The following RGS6 variants were observed in gnomAD, a reference collection of about 807,000 sequenced individuals.
The protein encoded by RGS6 is regulator of G protein signaling 6.
A neutral mutation model predicts 78.5 loss-of-function variants in RGS6; 30 were observed. The observed-to-expected ratio is 0.38, with a 90% CI of 0.29 to 0.52. The LOEUF (loss-of-function observed/expected upper bound fraction) is 0.52. RGS6 is among the 20% of genes least tolerant of loss of function. The pLI, the probability that RGS6 is intolerant of heterozygous loss-of-function variation, is 0.85. For missense variants in RGS6, 495 were observed against 609.7 expected, an observed-to-expected ratio of 0.81 and a Z score of 1.98; for synonymous variants, 206 against 206.0, an observed-to-expected ratio of 1.00 and a Z score of 0.00.
At chr14:72,381,432 A>C (rs111740488) in intron 3 of RGS6, among the ~76,000 whole-genome samples, 10 of 152,194 alleles carry the variant, frequency 6.6e-5, no homozygotes, top group African/African-American at 2.4e-4. Flanking sequence ...TTTTACATCA[A>C]TTTTTTAAAT....
Position 72,474,535 on chromosome 14 carries a change from A to G in RGS6, c.619-90A>G, listed in dbSNP as rs1448723988. On this transcript the variant is annotated intron_variant, in intron 9 of 17. Coordinates refer to ENST00000553525, the MANE Select transcript of RGS6 (RefSeq NM_001204424.2). ...CATGCATTGTCTGTAATGGAAAAAGATAAAGATTGGTCCTGATGGTGTGAC... is the reference window on the plus strand; with the variant it reads ...CATGCATTGTCTGTAATGGAAAAAGGTAAAGATTGGTCCTGATGGTGTGAC... 4 of 1,190,408 alleles carry G rather than the reference A, an allele frequency of 3.4e-6. No homozygotes were observed. The African/African-American group carries it at 4.6e-5, about 14-fold the overall frequency. 73.7% of individuals were successfully genotyped at this position (1,190,408 alleles called of 1,614,324 possible).
the RGS6 span, among the ~76,000 whole-genome samples, chr14:72,621,036 G>C: frequency 6.6e-6 from 1 of 151,880 alleles, no homozygotes; most frequent in Non-Finnish European, 1.5e-5. Context: ...AGCTACTCAG[G>C]AGGCTGAGGC....
intron 2 of RGS6, among the ~76,000 whole-genome samples, chr14:72,142,897 CAG>C (rs1212362068): frequency 6.6e-6 from 1 of 152,142 alleles, no homozygotes. Flanking sequence ...AAGAGGCAAA[CAG>C]AGTCTCAGAT....
the RGS6 span, among the ~76,000 whole-genome samples, chr14:71,867,943 A>T: frequency 6.6e-6 from 1 of 152,140 alleles, no homozygotes; most frequent in Admixed American, 6.5e-5. Flanking sequence ...AAGGGACTCC[A>T]CATACCTCAG....
chr14:72,040,702 T>C (rs1392703127), intron 2 of RGS6, among the ~76,000 whole-genome samples: 2 of 152,194 alleles, frequency 1.3e-5, no homozygotes, highest in Non-Finnish European at 2.9e-5. Context: ...TTTCTCTCAC[T>C]GTTCTTTCTC....
chr14:72,599,347 C>T, the RGS6 span, among the ~76,000 whole-genome samples: 5 of 151,368 alleles, frequency 3.3e-5, no homozygotes, highest in Non-Finnish European at 7.4e-5. Context: ...AGGTTCCTTC[C>T]TGCTGCCAGA....
intron 6 of RGS6, among the ~76,000 whole-genome samples, chr14:72,464,912 T>A (rs902788820): frequency 6.6e-6 from 1 of 152,198 alleles, no homozygotes. Flanking sequence ...GCCTCTGCCC[T>A]TAAAGAGACT....
intron 2 of RGS6, among the ~76,000 whole-genome samples, chr14:72,000,990 C>T (rs576509361): frequency 6.6e-6 from 1 of 152,308 alleles, no homozygotes; most frequent in East Asian, 1.9e-4. Flanking sequence ...CAAGACTTTT[C>T]TTAAGAAAAA....
the RGS6 span, among the ~76,000 whole-genome samples, chr14:72,601,076 G>GGAA: frequency 6.6e-6 from 1 of 151,754 alleles, no homozygotes; most frequent in African/African-American, 2.4e-5. Context: ...GGGAGGAGGA[G>GGAA]GAAGAAGGGG....
intron 1 of RGS6, among the ~76,000 whole-genome samples, chr14:71,954,391 G>T (rs2092626809): frequency 6.6e-6 from 1 of 150,836 alleles, no homozygotes; most frequent in South Asian, 2.1e-4. Context: ...TTTTTAGTTT[G>T]GAAATTCATG....
chr14:72,145,359 A>G (rs1317656958), intron 2 of RGS6, among the ~76,000 whole-genome samples: 2 of 152,176 alleles, frequency 1.3e-5, no homozygotes, highest in Non-Finnish European at 2.9e-5. Context: ...CATGGACAGA[A>G]TTCCTTCCCA....
At chr14:72,397,352 TC>T (rs2091555981) in intron 3 of RGS6, among the ~76,000 whole-genome samples, 1 of 151,954 alleles carries the variant, frequency 6.6e-6, no homozygotes, top group African/African-American at 2.4e-5. Flanking sequence ...TCTCTGTTTG[TC>T]TGTTATTGGT....
At chr14:72,177,644 T>C (rs2097124074) in intron 2 of RGS6, among the ~76,000 whole-genome samples, 2 of 152,192 alleles carry the variant, frequency 1.3e-5, no homozygotes, top group African/African-American at 4.8e-5. Flanking sequence ...TACGAAATAA[T>C]TGGCTGTGGG....
chr14:72,402,798 T>G (rs1210351584), intron 3 of RGS6, among the ~76,000 whole-genome samples: 1 of 139,258 alleles, frequency 7.2e-6, no homozygotes, highest in Non-Finnish European at 1.6e-5. Flanking sequence ...TGGTTTTTTT[T>G]TTTTTTTTTT....
Position 72,464,442 on chromosome 14 carries a change from C to A in RGS6, c.395-1316C>A, listed in dbSNP as rs2095852202. Among the ~76,000 whole-genome samples, 4 of 152,296 alleles carry A rather than the reference C, an allele frequency of 2.6e-5. No individual in the cohort carries two copies. The South Asian group carries it at 8.3e-4, about 32-fold the overall frequency. On this transcript the variant is annotated intron_variant, in intron 6 of 17. Transcript: ENST00000553525. ...GGGTGGAAGCAGAAGTGTGGGCATA[C>A]CAGAGGGTAGGCTGCTAGCTTCCAG... is the stretch of plus-strand genomic sequence containing the variant.
intron 2 of RGS6, among the ~76,000 whole-genome samples, chr14:72,335,256 C>T (rs1402802536): frequency 6.6e-6 from 1 of 152,128 alleles, no homozygotes; most frequent in African/African-American, 2.4e-5. Context: ...AATACAGCCC[C>T]TCCCCTAGGC....
At chr14:72,459,264 G>T (rs2095713294) in intron 5 of RGS6, among the ~76,000 whole-genome samples, 1 of 152,182 alleles carries the variant, frequency 6.6e-6, no homozygotes, top group African/African-American at 2.4e-5. Context: ...TAACCAAAGG[G>T]TGTGGGAGAA....
At chr14:71,912,810 A>C in the RGS6 span, among the ~76,000 whole-genome samples, 1 of 151,926 alleles carries the variant, frequency 6.6e-6, no homozygotes, top group Non-Finnish European at 1.5e-5. Flanking sequence ...CTCTGGTTCT[A>C]CAGTTCACTT....
the RGS6 span, among the ~76,000 whole-genome samples, chr14:72,603,174 T>C: frequency 6.6e-6 from 1 of 152,214 alleles, no homozygotes; most frequent in South Asian, 2.1e-4. Flanking sequence ...ATTTTCATAA[T>C]TTATTATTTC....
Sources: allele counts gnomAD v4.1 joint callset (sites outside exome capture counted in the v4.1 genomes callset), GRCh38; gene constraint gnomAD v4.1.1; transcripts MANE v1.5; gene names NCBI Gene and HGNC (gene_info 2026-07-23, HGNC 2026-07-21).